Variants in RELL1 observed in about 807,000 individuals in gnomAD.
RELL1 encodes RELT like 1, also known as RELT-like protein 1.
RELL1 carries 10 observed loss-of-function variants against 23.0 expected under a neutral mutation model. The ratio of observed to expected loss-of-function variants is 0.43; its 90% CI spans 0.27 to 0.74. The LOEUF (loss-of-function observed/expected upper bound fraction) is 0.74. Among genes scored for constraint, RELL1 ranks in the 30% least tolerant of loss-of-function variants. The pLI is 0.19. For missense variants in RELL1, 315 were observed against 364.4 expected (o/e 0.86, Z 1.10); for synonymous variants, 146 against 146.8 (o/e 0.99, Z 0.04).
intron 1 of RELL1, among the ~76,000 whole-genome samples, chr4:37,683,839 TG>T (rs1172537089): frequency 1.3e-5 from 2 of 151,808 alleles, no homozygotes; most frequent in Non-Finnish European, 2.9e-5. Flanking sequence ...CCCAGCACTT[TG>T]GGAGGCCAAG....
At chr4:37,586,917 C>CAAACAAAACA (rs1054504354), downstream of RELL1, among the ~76,000 whole-genome samples, 5 of 152,024 alleles carry the variant, frequency 3.3e-5, no homozygotes, top group South Asian at 2.1e-4. Flanking sequence ...CTCAAAAAAA[C>CAAACAAAACA]AAACAAAACA....
At chr4:37,649,712 G>A (rs1199377904) in intron 1 of RELL1, among the ~76,000 whole-genome samples, 1 of 152,254 alleles carries the variant, frequency 6.6e-6, no homozygotes, top group African/African-American at 2.4e-5. Context: ...CAGGTCCCAT[G>A]CTGGGTCATT....
chr4:37,670,611 C>T (rs1328208246), intron 1 of RELL1, among the ~76,000 whole-genome samples: 1 of 150,680 alleles, frequency 6.6e-6, no homozygotes, highest in Non-Finnish European at 1.5e-5. Context: ...CACTCTGTGG[C>T]CCAGGCTGGA....
At chr4:37,634,480 C>A (rs1720250315) in intron 5 of RELL1, among the ~76,000 whole-genome samples, 1 of 152,244 alleles carries the variant, frequency 6.6e-6, no homozygotes, top group Non-Finnish European at 1.5e-5. Flanking sequence ...CTTCCACAGA[C>A]CTGCTCCTTT....
At chr4:37,609,279 G>C (rs1351643004), downstream of RELL1, among the ~76,000 whole-genome samples, 1 of 152,152 alleles carries the variant, frequency 6.6e-6, no homozygotes, top group Non-Finnish European at 1.5e-5. Flanking sequence ...CTAGATAACA[G>C]CACATCTGTT....
At chr4:37,599,657 G>A (rs549235705) in intron 6 of RELL1, among the ~76,000 whole-genome samples, 1 of 152,306 alleles carries the variant, frequency 6.6e-6, no homozygotes, top group African/African-American at 2.4e-5. Context: ...CCTGATTAAT[G>A]CTTAATCCAG....
chr4:37,643,141 C>T (rs574652360), intron 3 of RELL1, among the ~76,000 whole-genome samples: 4 of 152,118 alleles, frequency 2.6e-5, no homozygotes, highest in Admixed American at 6.5e-5. Context: ...TGGGATCTGA[C>T]GCTAACTCTA....
downstream of RELL1, among the ~76,000 whole-genome samples, chr4:37,586,659 C>T (rs1182375628): frequency 6.6e-6 from 1 of 152,198 alleles, no homozygotes; most frequent in African/African-American, 2.4e-5. Context: ...CCTGTAATCC[C>T]AGCACTTTCA....
chr4:37,669,271 G>T (rs1287161134), intron 1 of RELL1, among the ~76,000 whole-genome samples: 3 of 146,912 alleles, frequency 2.0e-5, no homozygotes, highest in Non-Finnish European at 4.5e-5. Flanking sequence ...CGCCCCATCC[G>T]GGAGGTGAGG....
intron 6 of RELL1, among the ~76,000 whole-genome samples, chr4:37,604,830 C>G (rs200646828): frequency 4.6e-5 from 2 of 43,900 alleles, no homozygotes; most frequent in Non-Finnish European, 1.0e-4. Context: ...CAGACACACA[C>G]ATACACACAG....
intron 6 of RELL1, among the ~76,000 whole-genome samples, chr4:37,604,836 C>CAG (rs1560323734): frequency 1.8e-5 from 2 of 108,508 alleles, no homozygotes; most frequent in Admixed American, 1.8e-4. Flanking sequence ...CACACATACA[C>CAG]ACAGACACAC....
At chr4:37,665,310 C>G (rs1377514240) in intron 1 of RELL1, 1 of 456,266 alleles carries the variant, frequency 2.2e-6, no homozygotes, top group Non-Finnish European at 4.4e-6. Context: ...TTGGGTAAGT[C>G]CTTTCTGAAG....
intron 6 of RELL1, among the ~76,000 whole-genome samples, chr4:37,596,709 CATATATATATATAT>C (rs1215240304): frequency 6.0e-5 from 1 of 16,718 alleles, no homozygotes; most frequent in Non-Finnish European, 1.1e-4. Context: ...CAAAACTGGG[CATATATATATATAT>C]ATATATATAT....
chr4:37,608,815 G>A (rs1719297908), downstream of RELL1, among the ~76,000 whole-genome samples: 4 of 151,968 alleles, frequency 2.6e-5, no homozygotes, highest in Admixed American at 2.0e-4. Context: ...ATTTTTAGTG[G>A]AGACAGGGTT....
downstream of RELL1, among the ~76,000 whole-genome samples, chr4:37,607,944 GT>G (rs1464838619): frequency 2.2e-4 from 34 of 152,016 alleles, no homozygotes; most frequent in Non-Finnish European, 4.4e-4. Context: ...TCACATATGG[GT>G]AATTCTTGAA....
At chr4:37,648,120 A>G (rs1720772990) in intron 2 of RELL1, among the ~76,000 whole-genome samples, 1 of 152,202 alleles carries the variant, frequency 6.6e-6, no homozygotes, top group South Asian at 2.1e-4. Context: ...GCAGTGTCCT[A>G]CTCATTTACC....
At chr4:37,668,079 AT>A (rs144775704) in intron 1 of RELL1, among the ~76,000 whole-genome samples, 15,728 of 152,006 alleles carry the variant, frequency 0.1, 1,765 homozygotes, top group African/African-American at 0.29. Context: ...ATTATAAGTC[AT>A]TTTTTTTCTT....
intron 6 of RELL1, among the ~76,000 whole-genome samples, chr4:37,594,674 A>G (rs1309785919): frequency 1.3e-5 from 2 of 152,200 alleles, no homozygotes; most frequent in Non-Finnish European, 2.9e-5. Flanking sequence ...AAAAAAACGA[A>G]GAGAATTTTA....
At chr4:37,677,711 C>A (rs1382894507) in intron 1 of RELL1, among the ~76,000 whole-genome samples, 1 of 152,194 alleles carries the variant, frequency 6.6e-6, no homozygotes, top group East Asian at 1.9e-4. Context: ...TGGCTCACGC[C>A]TGTAATCCCA....
Sources: gnomAD v4.1 joint callset for allele counts (sites outside exome capture counted in the v4.1 genomes callset) on GRCh38, gnomAD v4.1.1 for gene constraint, MANE v1.5 for transcripts, NCBI Gene and HGNC (gene_info 2026-07-23, HGNC 2026-07-21) for gene names.